The following LRBA variants were observed in gnomAD, a reference collection of about 807,000 sequenced individuals.
LRBA encodes the protein lipopolysaccharide-responsive and beige-like anchor protein.
A neutral mutation model predicts 330.0 loss-of-function variants in LRBA; 176 were observed. That is an observed-to-expected ratio of 0.53 (90% CI 0.47 to 0.60). LRBA has a LOEUF of 0.60. Among genes scored for constraint, LRBA ranks in the 20% least tolerant of loss-of-function variants. The pLI, the probability that LRBA is intolerant of heterozygous loss-of-function variation, is 0.00. For synonymous variants in LRBA, 1,230 were observed against 1,193.0 expected (o/e 1.03, Z -0.64); for missense variants, 3,259 against 3,444.8 (o/e 0.95, Z 1.35).
intron 11 of LRBA, among the ~76,000 whole-genome samples, chr4:150,907,837 A>G (rs887978236): frequency 6.6e-6 from 1 of 152,122 alleles, no homozygotes; most frequent in African/African-American, 2.4e-5. Flanking sequence ...AATGTGCTAA[A>G]TGTACAATCT....
rs201822365 is a variant in LRBA at position 150,765,144 on chromosome 4, T to TAC, written c.5581-3299_5581-3298dup. ...ACATGGAGAAAATGTAAAAGTATAT[T>TAC]ACTAAGAGAAAGAAACTAATATGAA... On this transcript the variant is annotated intron_variant, in intron 34 of 56. Transcript: ENST00000651943. 6.3e-4 allele frequency among the ~76,000 whole-genome samples: 96 copies of TAC among 151,742 alleles called. No individual in the cohort carries two copies. The East Asian group carries it at 0.014, about 21-fold the overall frequency.
At chr4:150,441,525 T>C (rs949936742) in intron 44 of LRBA, among the ~76,000 whole-genome samples, 2 of 152,098 alleles carry the variant, frequency 1.3e-5, no homozygotes, top group Non-Finnish European at 2.9e-5. Context: ...TAGTAAAAGC[T>C]GTAAAAAGGT....
chr4:150,582,843 A>G (rs1771565696), intron 40 of LRBA: 3 of 556,032 alleles, frequency 5.4e-6, no homozygotes, highest in Admixed American at 3.6e-5. Flanking sequence ...CGAAAGAGGG[A>G]AAAGGAAAAA....
At chr4:150,864,303 T>C (rs1579033438) in intron 22 of LRBA, among the ~76,000 whole-genome samples, 1 of 152,304 alleles carries the variant, frequency 6.6e-6, no homozygotes, top group Admixed American at 6.5e-5. Flanking sequence ...TTATATCTAC[T>C]ACTGCTTATT....
chr4:150,586,693 T>C (rs1269244381), intron 40 of LRBA, among the ~76,000 whole-genome samples: 2 of 152,152 alleles, frequency 1.3e-5, no homozygotes, highest in African/African-American at 4.8e-5. Flanking sequence ...GTAACTTCTC[T>C]AAAAGGAGCA....
At chr4:150,362,542 T>A (rs1738871427) in intron 47 of LRBA, among the ~76,000 whole-genome samples, 1 of 152,304 alleles carries the variant, frequency 6.6e-6, no homozygotes, top group African/African-American at 2.4e-5. Context: ...GCTGGAGAAC[T>A]TGTTAAAACA....
intron 40 of LRBA, among the ~76,000 whole-genome samples, chr4:150,550,210 A>C (rs943331195): frequency 1.3e-5 from 2 of 152,218 alleles, no homozygotes; most frequent in African/African-American, 4.8e-5. Context: ...GATTTCAAAA[A>C]TAATCTTTAA....
chr4:150,582,990 T>C (rs895369184), intron 40 of LRBA: 10 of 1,537,614 alleles, frequency 6.5e-6, no homozygotes, highest in South Asian at 1.3e-5. Flanking sequence ...CCTCAACGTA[T>C]TGCGAGACGC....
chr4:150,968,054 G>T (rs944296677), intron 2 of LRBA, among the ~76,000 whole-genome samples: 3 of 149,434 alleles, frequency 2.0e-5, no homozygotes, highest in African/African-American at 7.5e-5. Context: ...GCCCAGGCTG[G>T]AGAGCAGTGG....
intron 2 of LRBA, among the ~76,000 whole-genome samples, chr4:150,953,002 C>G (rs1181381748): frequency 1.3e-5 from 2 of 152,156 alleles, no homozygotes; most frequent in African/African-American, 4.8e-5. Flanking sequence ...TCTACTACCT[C>G]CCCAACTGTT....
At chr4:150,629,762 G>C (rs1320181867) in intron 37 of LRBA, among the ~76,000 whole-genome samples, 1 of 152,016 alleles carries the variant, frequency 6.6e-6, no homozygotes, top group Non-Finnish European at 1.5e-5. Flanking sequence ...CTGAAGTCAG[G>C]AGTTCCAGAC....
chr4:150,569,751 A>C (rs1769610478), intron 40 of LRBA, among the ~76,000 whole-genome samples: 1 of 152,146 alleles, frequency 6.6e-6, no homozygotes, highest in African/African-American at 2.4e-5. Flanking sequence ...GAGGGCCCAG[A>C]TCTGACCACC....
chr4:150,359,212 T>C (rs1031107355), intron 47 of LRBA, among the ~76,000 whole-genome samples: 1 of 152,234 alleles, frequency 6.6e-6, no homozygotes, highest in Non-Finnish European at 1.5e-5. Context: ...CAACTTTCTA[T>C]TAATGTTAGC....
intron 40 of LRBA, 105 bp downstream of exon 40, chr4:150,587,943 T>C (rs1443029693): frequency 7.8e-6 from 10 of 1,278,540 alleles, no homozygotes; most frequent in Non-Finnish European, 7.4e-6. Flanking sequence ...CAAGGCAACT[T>C]AGAAGAAATT....
chr4:150,531,816 T>G (rs1024178710), intron 40 of LRBA, among the ~76,000 whole-genome samples: 1 of 152,218 alleles, frequency 6.6e-6, no homozygotes. Context: ...GTCCAAACAG[T>G]TGGATTCTCC....
chr4:151,015,549 C>T (rs987592597), upstream of LRBA: 2 of 152,928 alleles, frequency 1.3e-5, no homozygotes, highest in South Asian at 2.1e-4. Flanking sequence ...GCTTCCTGGC[C>T]CGCCCCGCCC....
intron 42 of LRBA, among the ~76,000 whole-genome samples, chr4:150,484,819 T>C (rs1757686169): frequency 6.6e-6 from 1 of 151,922 alleles, no homozygotes; most frequent in Admixed American, 6.6e-5. Context: ...TTCTTTATCT[T>C]CATGTTAAAC....
At chr4:150,270,127 A>G (rs1745871785) in intron 56 of LRBA, among the ~76,000 whole-genome samples, 1 of 152,212 alleles carries the variant, frequency 6.6e-6, no homozygotes, top group Admixed American at 6.5e-5. Context: ...CCCATGTAAA[A>G]TGGTACAGCC....
In LRBA at chr4:150,405,916, G is replaced by A. The variant is rs1365261388; in HGVS notation, c.7194+9522C>T. ...TGAAAAATAAAAAACTTAGCTGGGT[G>A]TAGTGGCACACGTTTGTACTCCCAG... On this transcript the variant is annotated intron_variant, in intron 47 of 56. Transcript: ENST00000651943. 5.3e-5 allele frequency among the ~76,000 whole-genome samples: 8 copies of A among 151,998 alleles called. No homozygotes were observed. In the East Asian group the frequency reaches 1.2e-3, roughly 22 times the overall value.
Sources: gnomAD v4.1 joint callset for allele counts (sites outside exome capture counted in the v4.1 genomes callset) on GRCh38, gnomAD v4.1.1 for gene constraint, MANE v1.5 for transcripts, NCBI Gene and HGNC (gene_info 2026-07-23, HGNC 2026-07-21) for gene names.